Variants in KIF1A observed in about 807,000 individuals in gnomAD.
The protein encoded by KIF1A is kinesin family member 1A.
A neutral mutation model predicts 227.3 loss-of-function variants in KIF1A; 46 were observed. That is an observed-to-expected ratio of 0.20 (90% CI 0.16 to 0.26). KIF1A has a LOEUF of 0.26. Ranked by LOEUF, KIF1A falls within the 10% of genes least tolerant of loss-of-function variation. The pLI, the probability that KIF1A is intolerant of heterozygous loss-of-function variation, is 1.00. For missense variants in KIF1A, 1,683 were observed against 2,485.9 expected (o/e 0.68, Z 6.87); for synonymous variants, 1,022 against 1,012.8 (o/e 1.01, Z -0.17).
intron 37 of KIF1A, among the ~76,000 whole-genome samples, chr2:240,738,120 G>A (rs2047561444): frequency 6.6e-6 from 1 of 152,204 alleles, no homozygotes; most frequent in African/African-American, 2.4e-5. Context: ...TCGCTGCCTG[G>A]GCAGAGCCAC....
At chr2:240,798,339 T>G (rs2056628881) in intron 1 of KIF1A, among the ~76,000 whole-genome samples, 1 of 152,176 alleles carries the variant, frequency 6.6e-6, no homozygotes, top group Admixed American at 6.5e-5. Context: ...TACTCAGAAA[T>G]GAAAAGAACA....
intron 34 of KIF1A, 127 bp downstream of exon 34, chr2:240,742,802 G>A (rs915017289): frequency 6.9e-5 from 58 of 837,594 alleles, no homozygotes; most frequent in Admixed American, 1.7e-4. Flanking sequence ...TCAGGGTGGC[G>A]CCAGAGTGCC....
At chr2:240,753,870 G>C (rs758161738) in intron 27 of KIF1A, among the ~76,000 whole-genome samples, 5 of 152,260 alleles carry the variant, frequency 3.3e-5, no homozygotes, top group Non-Finnish European at 5.9e-5. Flanking sequence ...CTGGCAGCAA[G>C]GGCCTGCAAG....
At chr2:240,808,958 C>T (rs1423357004) in intron 1 of KIF1A, among the ~76,000 whole-genome samples, 1 of 151,966 alleles carries the variant, frequency 6.6e-6, no homozygotes, top group Non-Finnish European at 1.5e-5. Flanking sequence ...TCTTGAACTC[C>T]TGACCTCGTG....
rs377034962 is a variant in KIF1A at position 240,720,011 on chromosome 2, A to C, written c.4869-85T>G. 3.5e-6 allele frequency: 5 copies of C among 1,433,068 alleles called. No homozygotes were observed. The African/African-American group carries it at 7.3e-5, about 21-fold the overall frequency. The allele number at this position is 1,433,068 out of a possible 1,614,324, so 88.8% of individuals were successfully genotyped here. The stretch of plus-strand genomic sequence containing the variant: ...CCCCAGGCTTCACCCTCCTCAGAGC[A>C]CCTCAGAAGGTGCAGTAGGGCACCT... On this transcript the variant is annotated intron_variant, in intron 45 of 48. Transcript: ENST00000498729.
At chr2:240,782,694 C>T in intron 9 of KIF1A, 87 bp from the exon 10 acceptor site, 8 of 1,365,220 alleles carry the variant, frequency 5.9e-6, no homozygotes, top group Non-Finnish European at 8.2e-6. Context: ...GCCCGGCTGC[C>T]TCGCCCTGGC....
At chr2:240,771,317 G>A (rs1010087262) in intron 14 of KIF1A, 6 of 656,560 alleles carry the variant, frequency 9.1e-6, no homozygotes, top group South Asian at 5.1e-5. Flanking sequence ...GCCCTGCCAG[G>A]CCCAGGACAA....
rs1306899134 is a variant in KIF1A at position 240,723,998 on chromosome 2, T to C, written c.4295A>G (p.His1432Arg). 7 of 1,612,434 alleles carry C rather than the reference T, an allele frequency of 4.3e-6. No homozygotes were observed. The highest frequency in any genetic ancestry group is 5.9e-6 in the Non-Finnish European group (7 of 1,179,790). The change falls in exon 41 of 49, where the codon CAC (histidine) becomes CGC (arginine). Residue 1432 changes from histidine (H) to arginine (R), a missense_variant. His to Arg is a conservative substitution (Grantham distance 29). Transcript: ENST00000498729. ...VTGVYELSLC[H>R]VADAGSPGMQ... Reference sequence around the variant, plus strand: ...ACCTGGGCTGCCCGCGTCAGCCACGTGGCACAGGCTGAGCTCGTACACACC... The same window carrying C: ...ACCTGGGCTGCCCGCGTCAGCCACGCGGCACAGGCTGAGCTCGTACACACC...
intron 27 of KIF1A, among the ~76,000 whole-genome samples, chr2:240,751,868 G>A (rs74002911): frequency 0.053 from 7,993 of 152,006 alleles, 670 homozygotes; most frequent in African/African-American, 0.17. Flanking sequence ...TCTCATCTGC[G>A]GCCTCAAGCC....
intron 47 of KIF1A, among the ~76,000 whole-genome samples, 159 bp downstream of exon 47, chr2:240,718,847 C>T (rs2044893835): frequency 6.6e-6 from 1 of 152,248 alleles, no homozygotes; most frequent in African/African-American, 2.4e-5. Context: ...CAGAGGATCC[C>T]TGAGGCTGAG....
chr2:240,781,454 CA>C (rs1405663750), intron 10 of KIF1A, among the ~76,000 whole-genome samples: 2,959 of 75,548 alleles, frequency 0.039, 420 homozygotes, highest in Non-Finnish European at 0.05. Flanking sequence ...CACACACACA[CA>C]CACAGCTCCA....
At position 240,771,044 on chromosome 2, in the gene KIF1A, G is replaced by A. The variant is rs549643552; in HGVS notation, c.1268C>T (p.Ala423Val). The A allele has an allele frequency of 1.2e-5, 20 of 1,613,276 alleles. No individual in the cohort carries two copies. Among genetic ancestry groups the A allele is most frequent in the South Asian group, 9.9e-5 (9 of 91,074 alleles). Residue 423 changes from alanine (A) to valine (V), a missense_variant, in exon 15 of 49, where the codon GCG becomes GTG. Transcript: ENST00000498729. ...CTCGTGGAGGCTGGACACGGAGGCC[G>A]CGCGGCTGGACAGGGCTGAGAGCGA... Reference protein sequence around the residue: ...SSSLSALSSRAASVSSLHERI... With the variant: ...SSSLSALSSRVASVSSLHERI...
At chr2:240,741,246 G>A (rs562776658) in intron 35 of KIF1A, 23 bp downstream of exon 35, 7 of 1,538,974 alleles carry the variant, frequency 4.5e-6, no homozygotes, top group African/African-American at 2.7e-5. Flanking sequence ...TCACGCCCTG[G>A]GGGCCCCAGC....
Position 240,797,826 on chromosome 2 carries a change from G to T in KIF1A, c.-60-14C>A. 1.1e-6 allele frequency: 1 copy of T among 900,014 alleles called. No individual in the cohort carries two copies. 55.8% of individuals were successfully genotyped at this position (900,014 alleles called of 1,614,324 possible). Reference sequence around the variant, plus strand: ...TGGGGGGAACACCTTGGAAAAAAGGGAAACATGAATTAGAAACAATATCTG... The same window carrying T: ...TGGGGGGAACACCTTGGAAAAAAGGTAAACATGAATTAGAAACAATATCTG... On this transcript the variant is annotated splice_polypyrimidine_tract_variant and intron_variant, in intron 1 of 48. Coordinates refer to ENST00000498729, the MANE Select transcript of KIF1A (RefSeq NM_001244008.2).
At chr2:240,795,105 A>G (rs2056215462) in intron 2 of KIF1A, among the ~76,000 whole-genome samples, 1 of 152,138 alleles carries the variant, frequency 6.6e-6, no homozygotes, top group Admixed American at 6.5e-5. Context: ...GGTGTCTTGC[A>G]TATGTTCATC....
chr2:240,750,676 A>C (rs1331586487), intron 27 of KIF1A, 129 bp from the exon 28 acceptor site: 2 of 695,486 alleles, frequency 2.9e-6, no homozygotes, highest in Admixed American at 4.6e-5. Context: ...GCCGGACAGG[A>C]CAGCCAAGGC....
chr2:240,782,912 C>T, intron 9 of KIF1A, 132 bp downstream of exon 9: 1 of 791,810 alleles, frequency 1.3e-6, no homozygotes, highest in Non-Finnish European at 2.2e-6. Context: ...GACACTCTGG[C>T]CATCTCCGGG....
intron 32 of KIF1A, 54 bp downstream of exon 32, chr2:240,745,373 G>T: frequency 7.5e-7 from 1 of 1,328,288 alleles, no homozygotes; most frequent in Non-Finnish European, 1.1e-6. Flanking sequence ...GCTCAGAGAG[G>T]CCCTGGGAGG....
In KIF1A at chr2:240,741,309, G is replaced by A. The variant is rs868022929; in HGVS notation, c.3709C>T (p.Leu1237=). ...AGCTCACAGATCTCGAAGTAGACCA[G>A]CAGGTCGTACTTGCAGTGGCAGGGT... is the stretch of plus-strand genomic sequence containing the variant. The part of the protein sequence containing the change: ...PGPCHCKYDL[L]VYFEICELEA... Residue 1237 remains leucine, a synonymous_variant, in exon 35 of 49, where the codon CTG becomes TTG. Coordinates refer to ENST00000498729, the MANE Select transcript of KIF1A (RefSeq NM_001244008.2). 1.9e-6 allele frequency: 3 copies of A among 1,600,314 alleles called. No homozygotes were observed. Among genetic ancestry groups the A allele is most frequent in the African/African-American group, 1.3e-5 (1 of 74,782 alleles).
Sources: allele counts gnomAD v4.1 joint callset (sites outside exome capture counted in the v4.1 genomes callset), GRCh38; gene constraint gnomAD v4.1.1; transcripts MANE v1.5; gene names NCBI Gene and HGNC (gene_info 2026-07-23, HGNC 2026-07-21).